Variants in SMS observed in about 807,000 individuals in gnomAD.
SMS encodes the protein spermidine aminopropyltransferase.
A neutral mutation model predicts 33.0 loss-of-function variants in SMS; 3 were observed. That is an observed-to-expected ratio of 0.09 (90% CI 0.04 to 0.23). The LOEUF is 0.23. Among genes scored for constraint, SMS ranks in the 10% least tolerant of loss-of-function variants. SMS has a pLI of 1.00. For missense variants in SMS, 117 were observed against 288.6 expected, an observed-to-expected ratio of 0.41 and a Z score of 4.31; for synonymous variants, 103 against 112.2, an observed-to-expected ratio of 0.92 and a Z score of 0.52.
chrX:21,988,415 C>T (rs994349207), intron 9 of SMS, among the ~76,000 whole-genome samples: 1 of 110,742 alleles, frequency 9.0e-6, no homozygotes, highest in Non-Finnish European at 1.9e-5. Context: ...CCTGTAATCC[C>T]AGCACTTTGG....
At chrX:21,984,775 T>A (rs1925211538) in intron 8 of SMS, among the ~76,000 whole-genome samples, 2 of 112,218 alleles carry the variant, frequency 1.8e-5, no homozygotes, top group African/African-American at 6.5e-5. Context: ...AGATGTTTGT[T>A]CCAAATCACA....
rs150434978 is a variant in SMS, at chrX:21,946,243, G to A, written c.49+5370G>A. ...AGGTTGAGACCCCCAGGCTGGGGAGGGGGAGGACTGAGACAGCCCGTTCCT... is the reference window on the plus strand; with the variant it reads ...AGGTTGAGACCCCCAGGCTGGGGAGAGGGAGGACTGAGACAGCCCGTTCCT... On this transcript the variant is annotated intron_variant, in intron 1 of 10. Transcript: ENST00000404933. 1.2e-4 allele frequency among the ~76,000 whole-genome samples: 14 copies of A among 112,609 alleles called. No individual in the cohort carries two copies. In the East Asian group the frequency reaches 3.9e-3, roughly 31 times the overall value.
intron 1 of SMS, among the ~76,000 whole-genome samples, chrX:21,946,243 G>C (rs150434978): frequency 6.2e-5 from 7 of 112,558 alleles, no homozygotes; most frequent in African/African-American, 2.3e-4. Flanking sequence ...GGCTGGGGAG[G>C]GGGAGGACTG....
Position 21,994,479 on chromosome X carries a change from T to C in SMS, c.*128T>C, listed in dbSNP as rs1444175794. 2.1e-5 allele frequency: 23 copies of C among 1,092,330 alleles called. No homozygotes were observed. The highest frequency in any genetic ancestry group is 7.1e-5 in the Admixed American group (2 of 28,086). 90.0% of individuals were successfully genotyped at this position (1,092,330 alleles called of 1,213,427 possible). A position where few individuals can be genotyped will look rare whatever the true frequency, so the allele number is the denominator to read the frequency against. On this transcript the variant is annotated 3_prime_UTR_variant, in exon 11 of 11. Coordinates refer to ENST00000404933, the MANE Select transcript of SMS (RefSeq NM_004595.5). ...AAAGTTTTCCTTTTTTTAATAATTA[T>C]TTTTAATTTAAAAAAGCAAATGGAA...
At chrX:21,984,243 G>T in intron 7 of SMS, 61 bp from the exon 8 acceptor site, 1 of 738,465 alleles carries the variant, frequency 1.4e-6, no homozygotes. Context: ...CTTTACTATT[G>T]TTTTTTGTTT....
At chrX:21,955,501 C>T (rs936373234) in intron 1 of SMS, among the ~76,000 whole-genome samples, 1 of 112,179 alleles carries the variant, frequency 8.9e-6, no homozygotes, top group African/African-American at 3.2e-5. Context: ...GGTCCAGATG[C>T]ATTCCTGAGT....
intron 1 of SMS, among the ~76,000 whole-genome samples, chrX:21,958,753 C>T (rs751761236): frequency 4.4e-5 from 5 of 112,387 alleles, no homozygotes; most frequent in Non-Finnish European, 5.6e-5. Flanking sequence ...CTCGGCTCAC[C>T]GCAACCTCCG....
intron 3 of SMS, 24 bp downstream of exon 3, chrX:21,972,014 T>G: frequency 9.9e-7 from 1 of 1,010,130 alleles, no homozygotes; most frequent in Non-Finnish European, 1.4e-6. Flanking sequence ...TTTCATTTAC[T>G]CAGTGTTTAA....
At chrX:21,964,785 CTATTGT>C (rs755144464) in intron 1 of SMS, among the ~76,000 whole-genome samples, 18 of 112,021 alleles carry the variant, frequency 1.6e-4, no homozygotes, top group Non-Finnish European at 3.0e-4. Flanking sequence ...ATTCTGTTTG[CTATTGT>C]TAAAGTTGAA....
chrX:21,989,474 TAA>T (rs1434936001), intron 9 of SMS, among the ~76,000 whole-genome samples: 1 of 111,754 alleles, frequency 8.9e-6, no homozygotes, highest in Non-Finnish European at 1.9e-5. Flanking sequence ...TCCCTCCACT[TAA>T]GAGAGAAAAT....
intron 2 of SMS, among the ~76,000 whole-genome samples, chrX:21,970,426 CCT>C (rs774837456): frequency 1.8e-5 from 2 of 111,897 alleles, no homozygotes; most frequent in African/African-American, 6.5e-5. Context: ...GTTCCTTCCC[CCT>C]CTCCTCTCTG....
intron 9 of SMS, among the ~76,000 whole-genome samples, chrX:21,988,695 A>T (rs1336749400): frequency 1.0e-5 from 1 of 96,463 alleles, no homozygotes. Context: ...AAAAAAAAGG[A>T]GTCAGGTTAA....
chrX:21,968,920 ATAAAAAT>A (rs1178114595), intron 2 of SMS, among the ~76,000 whole-genome samples: 1 of 111,930 alleles, frequency 8.9e-6, no homozygotes, highest in African/African-American at 3.3e-5. Context: ...ACCTATGGAA[ATAAAAAT>A]TAAAATAAAT....
intron 1 of SMS, among the ~76,000 whole-genome samples, chrX:21,950,416 G>A (rs1157698300): frequency 1.0e-5 from 1 of 100,408 alleles, no homozygotes. Flanking sequence ...GGTATGAGAT[G>A]CAAGAATATG....
At chrX:21,975,832 G>T in intron 4 of SMS, among the ~76,000 whole-genome samples, 1 of 110,618 alleles carries the variant, frequency 9.0e-6, no homozygotes, top group Non-Finnish European at 1.9e-5. Context: ...CTTGTAACAG[G>T]TTTAGACTGT....
At chrX:21,971,863 A>G (rs1274744596) in intron 2 of SMS, 34 bp from the exon 3 acceptor site, 3 of 990,833 alleles carry the variant, frequency 3.0e-6, no homozygotes, top group African/African-American at 3.8e-5. Flanking sequence ...CCCCGATACA[A>G]TTCTTAAGCT....
intron 1 of SMS, among the ~76,000 whole-genome samples, chrX:21,962,582 T>C (rs1193664224): frequency 8.9e-6 from 1 of 111,957 alleles, no homozygotes; most frequent in Non-Finnish European, 1.9e-5. Flanking sequence ...TACTCATGCC[T>C]GGGGCCCACC....
chrX:21,942,214 A>G (rs998848573), intron 1 of SMS, among the ~76,000 whole-genome samples: 1 of 110,209 alleles, frequency 9.1e-6, no homozygotes, highest in Non-Finnish European at 1.9e-5. Context: ...CATTTTTAAC[A>G]CTGTTCCTTT....
At chrX:21,943,495 T>G (rs1921969830) in intron 1 of SMS, among the ~76,000 whole-genome samples, 1 of 111,541 alleles carries the variant, frequency 9.0e-6, no homozygotes, top group African/African-American at 3.3e-5. Flanking sequence ...GATAAAGACG[T>G]GTATAGATCA....
Sources: allele counts gnomAD v4.1 joint callset (sites outside exome capture counted in the v4.1 genomes callset), GRCh38; gene constraint gnomAD v4.1.1; transcripts MANE v1.5; gene names NCBI Gene and HGNC (gene_info 2026-07-23, HGNC 2026-07-21).